SYNE2: variants seen among roughly 807,000 people sequenced by gnomAD.
The protein encoded by SYNE2 is nesprin-2.
SYNE2 carries 431 observed loss-of-function variants against 856.3 expected under a neutral mutation model. The observed-to-expected ratio is 0.50, with a 90% confidence interval of 0.47 to 0.55. The LOEUF (loss-of-function observed/expected upper bound fraction) is 0.55. Ranked by LOEUF, SYNE2 falls within the 20% of genes least tolerant of loss-of-function variation. The pLI is 0.00. For missense variants in SYNE2, 8,129 were observed against 8,023.2 expected (o/e 1.01, Z -0.50); for synonymous variants, 2,923 against 2,872.3 (o/e 1.02, Z -0.56).
intron 84 of SYNE2, among the ~76,000 whole-genome samples, chr14:64,148,501 T>C (rs1400783942): frequency 6.6e-6 from 1 of 152,150 alleles, no homozygotes; most frequent in Non-Finnish European, 1.5e-5. Flanking sequence ...TGCAGCTGAT[T>C]GCAGAATTAT....
Position 64,024,556 on chromosome 14 carries a change from C to T in SYNE2, c.5840+97C>T, listed in dbSNP as rs2096962816. 5.2e-6 allele frequency: 6 copies of T among 1,144,778 alleles called. No homozygotes were observed. The South Asian group carries it at 6.6e-5, about 13-fold the overall frequency. 70.9% of individuals were successfully genotyped at this position (1,144,778 alleles called of 1,614,324 possible). A position where few individuals can be genotyped will look rare whatever the true frequency, so the allele number is the denominator to read the frequency against. On this transcript the variant is annotated intron_variant, in intron 39 of 115. Transcript: ENST00000555002. ...AGAGAGCACTGGGATACGCAGTACACACAAATTTCACACACAAAAGGCGTA... is the reference window on the plus strand; with the variant it reads ...AGAGAGCACTGGGATACGCAGTACATACAAATTTCACACACAAAAGGCGTA...
At chr14:63,961,738 G>A (rs1166858568) in intron 9 of SYNE2, 113 bp downstream of exon 9, 6 of 759,530 alleles carry the variant, frequency 7.9e-6, no homozygotes, top group Admixed American at 2.0e-5. Flanking sequence ...AGTTTAATGA[G>A]CATACACCCC....
rs1160071284 is a variant in SYNE2, at chr14:64,049,741, A to G, written c.7508A>G (p.Asn2503Ser). ...NIGYSAQHLDNLLQALITLKK... is the reference protein window; with the variant it reads ...NIGYSAQHLDSLLQALITLKK... ...GGATATTCGGCACAGCATTTGGACA[A>G]TTTGCTTCAGGCACTTATTACTTTG... The change falls in exon 47 of 116, where the codon AAT becomes AGT. Residue 2503 changes from asparagine to serine, a missense_variant. Physicochemically the swap from Asn to Ser is conservative, Grantham distance 46. Around this residue, in one of 3 missense-constraint regions of SYNE2, gnomAD observed 5,410 missense variants for 5,284.8 expected, o/e 1.02. Coordinates refer to ENST00000555002, the MANE Select transcript of SYNE2 (RefSeq NM_182914.3). The G allele has an allele frequency of 7.4e-6, 12 of 1,613,986 alleles. No individual in the cohort carries two copies. Among genetic ancestry groups the G allele is most frequent in the Admixed American group, 5.0e-5 (3 of 60,006 alleles).
rs779963258 is a variant in SYNE2, at chr14:64,098,139, A to T, written c.12299A>T (p.Glu4100Val). The change falls in exon 62 of 116, where the codon GAG becomes GTG. Residue 4100 changes from glutamate (E) to valine (V), a missense_variant. By Grantham distance (121) the Glu-to-Val change is moderately radical. This residue lies in a region of SYNE2 where 5,410 missense variants were observed against 5,284.8 expected (regional missense o/e 1.02). Coordinates refer to ENST00000555002, the MANE Select transcript of SYNE2 (RefSeq NM_182914.3). ...GGAGTGGCAGAGAGGGATGCTTCTG[A>T]GCGGAAGGTGGGTATGACTTTAGGT... is the stretch of plus-strand genomic sequence containing the variant. ...EGGVAERDASERKLNRRGSMS... is the reference protein window; with the variant it reads ...EGGVAERDASVRKLNRRGSMS... The T allele has an allele frequency of 4.6e-5, 74 of 1,613,862 alleles. No homozygotes were observed. Among genetic ancestry groups the T allele is most frequent in the Non-Finnish European group, 5.9e-5 (70 of 1,179,960 alleles).
intron 8 of SYNE2, among the ~76,000 whole-genome samples, chr14:63,956,763 A>G (rs1431272315): frequency 6.6e-6 from 1 of 152,220 alleles, no homozygotes; most frequent in African/African-American, 2.4e-5. Flanking sequence ...AATACATGTT[A>G]CACAATTGTA....
At chr14:64,043,618 T>C (rs2097165063) in intron 45 of SYNE2, among the ~76,000 whole-genome samples, 1 of 152,198 alleles carries the variant, frequency 6.6e-6, no homozygotes, top group Non-Finnish European at 1.5e-5. Context: ...AAGGAACAGC[T>C]CGGGCTGTGG....
At chr14:63,986,375 C>T in intron 18 of SYNE2, 81 bp from the exon 19 acceptor site, 4 of 1,462,232 alleles carry the variant, frequency 2.7e-6, no homozygotes, top group Non-Finnish European at 3.8e-6. Flanking sequence ...GCTGGGATTA[C>T]AGGTGTAACT....
At chr14:64,148,073 AG>A (rs1197819409) in intron 84 of SYNE2, among the ~76,000 whole-genome samples, 1 of 152,130 alleles carries the variant, frequency 6.6e-6, no homozygotes. Context: ...GCACTTTGGG[AG>A]GCTGAGGTGG....
chr14:63,773,969 G>C (rs1401078680), intron 1 of SYNE2, among the ~76,000 whole-genome samples: 2 of 152,130 alleles, frequency 1.3e-5, no homozygotes, highest in African/African-American at 4.8e-5. Context: ...TTAATGCTTT[G>C]CATTTGTAAG....
chr14:64,209,572 G>A lies in SYNE2; in HGVS notation c.18534G>A (p.Arg6178=). ...LYTSAKEELK[R]FEAFQRQIHE... is the part of the protein sequence containing the mutation. ...CGAGTGCCAAAGAGGAACTGAAGAG[G>A]TTTGAGGTAAACACCTTCTCCATCC... Residue 6178 remains arginine, a synonymous_variant, in exon 102 of 116, where the codon AGG becomes AGA. Coordinates refer to ENST00000555002, the MANE Select transcript of SYNE2 (RefSeq NM_182914.3). 1 of 1,614,140 alleles carries A rather than the reference G, an allele frequency of 6.2e-7. No individual in the cohort carries two copies. The highest frequency in any genetic ancestry group is 8.5e-7 in the Non-Finnish European group (1 of 1,180,036).
chr14:63,866,035 T>C (rs1000721418), intron 1 of SYNE2, among the ~76,000 whole-genome samples: 2 of 152,162 alleles, frequency 1.3e-5, no homozygotes, highest in African/African-American at 4.8e-5. Context: ...TTCTAAGAAA[T>C]ATTTTTTTCC....
chr14:64,169,512 T>C (rs759359177), intron 93 of SYNE2, among the ~76,000 whole-genome samples: 5 of 152,240 alleles, frequency 3.3e-5, no homozygotes, highest in Non-Finnish European at 7.3e-5. Context: ...CATGCAGCTG[T>C]ACACATGGCA....
intron 100 of SYNE2, among the ~76,000 whole-genome samples, chr14:64,203,685 T>C (rs1187575085): frequency 6.6e-6 from 1 of 152,202 alleles, no homozygotes; most frequent in Admixed American, 6.5e-5. Context: ...TAAGTTTATC[T>C]TATTCTTTCT....
intron 109 of SYNE2, 101 bp from the exon 110 acceptor site, chr14:64,219,104 GTTT>G (rs528002229): frequency 0.014 from 5,472 of 399,456 alleles, no homozygotes; most frequent in Middle Eastern, 0.018. Flanking sequence ...CAGTTTTTTT[GTTT>G]TTTTTTTTTT....
intron 110 of SYNE2, 66 bp from the exon 111 acceptor site, chr14:64,220,371 G>A: frequency 3.2e-6 from 5 of 1,567,760 alleles, no homozygotes; most frequent in Non-Finnish European, 3.5e-6. Flanking sequence ...TCCCTACTGA[G>A]GTTCAAAATG....
intron 1 of SYNE2, among the ~76,000 whole-genome samples, chr14:63,795,465 C>A (rs1475635796): frequency 6.6e-6 from 1 of 151,972 alleles, no homozygotes; most frequent in African/African-American, 2.4e-5. Flanking sequence ...ACCTTGTGGT[C>A]GTGTGAGTTA....
At chr14:63,937,115 A>G (rs746138577) in intron 2 of SYNE2, among the ~76,000 whole-genome samples, 28 of 152,198 alleles carry the variant, frequency 1.8e-4, no homozygotes, top group Non-Finnish European at 3.1e-4. Flanking sequence ...AGAGTGTGTC[A>G]TCGAGGACCT....
At chr14:64,158,902 C>A in intron 86 of SYNE2, 107 bp downstream of exon 86, 2 of 1,232,492 alleles carry the variant, frequency 1.6e-6, no homozygotes, top group Non-Finnish European at 2.3e-6. Context: ...CAGAGAAGCA[C>A]AAAGCATGTT....
At chr14:64,209,816 A>T in intron 102 of SYNE2, 126 bp from the exon 103 acceptor site, 1 of 1,333,246 alleles carries the variant, frequency 7.5e-7, no homozygotes, top group Non-Finnish European at 1.1e-6. Context: ...CTGGTGAATT[A>T]GGCCCTCTGC....
Sources: gnomAD v4.1 joint callset for allele counts (sites outside exome capture counted in the v4.1 genomes callset) on GRCh38, gnomAD v4.1.1 for gene constraint, gnomAD v4.1.1 regional missense constraint, MANE v1.5 for transcripts, NCBI Gene and HGNC (gene_info 2026-07-23, HGNC 2026-07-21) for gene names.